The following HTR1F variants were observed in gnomAD, a reference collection of about 807,000 sequenced individuals.
HTR1F encodes 5-hydroxytryptamine (serotonin) receptor 1F, G protein-coupled.
A neutral mutation model predicts 24.0 loss-of-function variants in HTR1F; 17 were observed. The observed-to-expected ratio is 0.71, with a 90% CI of 0.48 to 1.06. The LOEUF is 1.06. Among genes scored for constraint, HTR1F ranks in the 50% least tolerant of loss-of-function variants. The pLI, the probability that HTR1F is intolerant of heterozygous loss-of-function variation, is 0.00. For missense variants in HTR1F, 391 were observed against 427.8 expected, an observed-to-expected ratio of 0.91 and a Z score of 0.76; for synonymous variants, 186 against 156.8, an observed-to-expected ratio of 1.19 and a Z score of -1.39.
At chr3:87,842,965 C>T (rs1285935293) in intron 2 of HTR1F, among the ~76,000 whole-genome samples, 4 of 151,686 alleles carry the variant, frequency 2.6e-5, no homozygotes, top group African/African-American at 7.3e-5. Context: ...AGATAGGTCT[C>T]GGTAAAGGAC....
At chr3:87,921,829 C>T (rs1443528828) in intron 2 of HTR1F, among the ~76,000 whole-genome samples, 1 of 151,862 alleles carries the variant, frequency 6.6e-6, no homozygotes, top group Non-Finnish European at 1.5e-5. Flanking sequence ...ATTTGTCTTT[C>T]TCTGCCTTAT....
Position 87,992,816 on chromosome 3 carries a change from T to A in HTR1F, c.*966T>A, listed in dbSNP as rs1657302538. ...CCATACCTTTGATTTCAACATTATT[T>A]CCCGTTTACTAGACAGAATATAATG... is the stretch of plus-strand genomic sequence containing the variant. On this transcript the variant is annotated 3_prime_UTR_variant, in exon 3 of 3. Transcript: ENST00000319595. 6.0e-6 allele frequency: 1 copy of A among 167,002 alleles called. No homozygotes were observed. The highest frequency in any genetic ancestry group is 1.9e-4 in the East Asian group (1 of 5,208). The allele number at this position is 167,002 out of a possible 1,614,324, so 10.3% of individuals were successfully genotyped here.
chr3:87,872,055 G>GT (rs1189469690), intron 2 of HTR1F, among the ~76,000 whole-genome samples: 1 of 151,978 alleles, frequency 6.6e-6, no homozygotes, highest in Non-Finnish European at 1.5e-5. Context: ...CATATAAAAT[G>GT]TTTTTTCAGA....
rs1490779402 is a variant in HTR1F at position 87,844,800 on chromosome 3, G to C, written c.-43+22676G>C. Among the ~76,000 whole-genome samples the C allele has an allele frequency of 2.0e-4, 30 of 148,036 alleles. 1 individual carries two copies. In the East Asian group the frequency reaches 3.9e-3, roughly 19 times the overall value. ...TTAAATAGGGAATCCTTTCCCCATT[G>C]CTTGTTTTTCTCAGGTTTGTCAAAG... is the stretch of plus-strand genomic sequence containing the variant. On this transcript the variant is annotated intron_variant, in intron 2 of 2. Coordinates refer to ENST00000319595, the MANE Select transcript of HTR1F (RefSeq NM_001322209.2).
At chr3:87,917,969 T>G (rs1030842881) in intron 2 of HTR1F, among the ~76,000 whole-genome samples, 13 of 152,024 alleles carry the variant, frequency 8.6e-5, no homozygotes, top group African/African-American at 3.1e-4. Context: ...CTAAAATCCT[T>G]GACAAAATAC....
intron 2 of HTR1F, among the ~76,000 whole-genome samples, chr3:87,988,044 C>A (rs1705717625): frequency 6.6e-6 from 1 of 151,352 alleles, no homozygotes; most frequent in African/African-American, 2.4e-5. Flanking sequence ...TTGATTATGC[C>A]CAGAACCCTA....
chr3:87,962,252 G>A (rs1207195336), intron 2 of HTR1F, among the ~76,000 whole-genome samples: 2 of 151,894 alleles, frequency 1.3e-5, no homozygotes, highest in Admixed American at 6.6e-5. Context: ...TATTCAAGGG[G>A]GAAAATGGAA....
intron 2 of HTR1F, among the ~76,000 whole-genome samples, chr3:87,894,359 C>T (rs1706152849): frequency 6.6e-6 from 1 of 151,606 alleles, no homozygotes; most frequent in African/African-American, 2.4e-5. Context: ...AGGATTCAAG[C>T]CATTCTCAAG....
chr3:87,912,839 A>AT (rs1436019731), intron 2 of HTR1F, among the ~76,000 whole-genome samples: 1 of 152,146 alleles, frequency 6.6e-6, no homozygotes, highest in Non-Finnish European at 1.5e-5. Flanking sequence ...GCAATGAGGA[A>AT]AGGACTCCCT....
At chr3:87,917,565 T>C (rs1703921694) in intron 2 of HTR1F, among the ~76,000 whole-genome samples, 1 of 151,844 alleles carries the variant, frequency 6.6e-6, no homozygotes, top group Non-Finnish European at 1.5e-5. Context: ...CAAAAGATCA[T>C]ACAAGGCTAC....
chr3:87,813,036 T>A (rs1353460275), intron 1 of HTR1F, among the ~76,000 whole-genome samples: 1 of 152,154 alleles, frequency 6.6e-6, no homozygotes, highest in Non-Finnish European at 1.5e-5. Context: ...GCTAGGGCAA[T>A]GTAGAAGGGA....
At chr3:87,860,152 C>T (rs1011534908) in intron 2 of HTR1F, among the ~76,000 whole-genome samples, 5 of 152,040 alleles carry the variant, frequency 3.3e-5, no homozygotes, top group African/African-American at 9.7e-5. Flanking sequence ...CTGCATATAC[C>T]ATTTTACATT....
rs144433800 is a variant in HTR1F at position 87,801,988 on chromosome 3, T to C, written c.-160+9146T>C. Among the ~76,000 whole-genome samples, 526 of 137,824 alleles carry C rather than the reference T, an allele frequency of 3.8e-3. 2 individuals carry two copies. Among genetic ancestry groups the C allele is most frequent in the African/African-American group, 0.017 (486 of 28,660 alleles). 90.4% of individuals were successfully genotyped at this position (137,824 alleles called of 152,430 possible). A position where few individuals can be genotyped will look rare whatever the true frequency, so the allele number is the denominator to read the frequency against. The stretch of plus-strand genomic sequence containing the variant: ...AAAGCATGGCTTTGCTTTCTTTCTT[T>C]CCTTCCTTCCTTTCTTCCTTCTTTT... On this transcript the variant is annotated intron_variant, in intron 1 of 2. Transcript: ENST00000319595.
At chr3:87,807,243 C>T (rs1427313530) in intron 1 of HTR1F, among the ~76,000 whole-genome samples, 1 of 151,874 alleles carries the variant, frequency 6.6e-6, no homozygotes, top group Non-Finnish European at 1.5e-5. Flanking sequence ...AGGATATTAA[C>T]TCTACTGATC....
chr3:87,803,345 C>T (rs1315268968), intron 1 of HTR1F, among the ~76,000 whole-genome samples: 1 of 152,108 alleles, frequency 6.6e-6, no homozygotes, highest in Non-Finnish European at 1.5e-5. Flanking sequence ...CAATTCTATG[C>T]AAACTTCCTT....
chr3:87,884,245 G>T (rs1354090157), intron 2 of HTR1F, among the ~76,000 whole-genome samples: 2 of 152,184 alleles, frequency 1.3e-5, no homozygotes, highest in Non-Finnish European at 2.9e-5. Flanking sequence ...GCCAAACTCA[G>T]CTTCATAAGT....
chr3:87,934,357 T>C (rs56386318), intron 2 of HTR1F, among the ~76,000 whole-genome samples: 17,249 of 152,180 alleles, frequency 0.11, 1,217 homozygotes, highest in Non-Finnish European at 0.16. Flanking sequence ...CCACCCTCTG[T>C]CCCCATTCCA....
chr3:87,945,889 G>A (rs1370954855), intron 2 of HTR1F, among the ~76,000 whole-genome samples: 1 of 152,114 alleles, frequency 6.6e-6, no homozygotes. Context: ...GAGCTCCCAA[G>A]ATGGTGGCGG....
intron 2 of HTR1F, among the ~76,000 whole-genome samples, chr3:87,950,572 G>A (rs191115805): frequency 0.025 from 3,755 of 149,128 alleles, 69 homozygotes; most frequent in Non-Finnish European, 0.031. Context: ...AAAAAAAAAA[G>A]GGAGGAGTAA....
Sources: allele counts gnomAD v4.1 joint callset (sites outside exome capture counted in the v4.1 genomes callset), GRCh38; gene constraint gnomAD v4.1.1; transcripts MANE v1.5; gene names NCBI Gene and HGNC (gene_info 2026-07-23, HGNC 2026-07-21).